Variants in POT1 observed in about 807,000 individuals in gnomAD.
POT1 encodes the protein protection of telomeres protein 1.
In POT1, 47 loss-of-function variants were observed where a neutral mutation model predicts 78.5. That is an observed-to-expected ratio of 0.60 (90% confidence interval 0.47 to 0.76). The LOEUF (loss-of-function observed/expected upper bound fraction) is 0.76, where lower values mean the gene tolerates loss of function less well. Ranked by LOEUF, POT1 falls within the 30% of genes least tolerant of loss-of-function variation. The probability of loss-of-function intolerance (pLI) is 0.00; values close to 1 mark genes in which losing one functional copy is unlikely to be tolerated. For missense variants in POT1, 646 were observed against 749.9 expected (o/e 0.86, Z 1.62); for synonymous variants, 259 against 260.7 (o/e 0.99, Z 0.06).
At chr7:124,855,697 T>A (rs1202459232) in intron 9 of POT1, among the ~76,000 whole-genome samples, 3 of 150,992 alleles carry the variant, frequency 2.0e-5, no homozygotes, top group Non-Finnish European at 4.4e-5. Context: ...AAAAGCAAAG[T>A]AAATATGGCT....
chr7:124,870,531 C>T lies in POT1; in HGVS notation c.255+380G>A, dbSNP rs369595268. On this transcript the variant is annotated intron_variant, in intron 7 of 18. Transcript: ENST00000357628. ...GAAATGGGAAAGAATAATATAATCT[C>T]CTAATCTTTGTATACATTTTTTCTT... Among the ~76,000 whole-genome samples, 5 of 151,980 alleles carry T rather than the reference C, an allele frequency of 3.3e-5. No homozygotes were observed. In the East Asian group the frequency reaches 9.6e-4, roughly 29 times the overall value.
intron 2 of POT1, among the ~76,000 whole-genome samples, chr7:124,925,102 A>G (rs536423067): frequency 7.2e-4 from 109 of 152,234 alleles, no homozygotes; most frequent in African/African-American, 2.5e-3. Flanking sequence ...TAGTACTGCA[A>G]GTCCTAGCCA....
At chr7:124,880,910 T>C (rs527993783) in intron 6 of POT1, among the ~76,000 whole-genome samples, 9 of 152,132 alleles carry the variant, frequency 5.9e-5, no homozygotes, top group Non-Finnish European at 8.8e-5. Flanking sequence ...GGCTCAGATA[T>C]ACTTACAGTA....
chr7:124,920,583 T>C (rs1272976352), intron 2 of POT1, among the ~76,000 whole-genome samples: 2 of 152,112 alleles, frequency 1.3e-5, no homozygotes, highest in Non-Finnish European at 2.9e-5. Flanking sequence ...AAAACATAGA[T>C]ATCTGCAGGT....
Position 124,897,206 on chromosome 7 carries a change from C to T in POT1, c.-33G>A. 7.1e-7 allele frequency: 1 copy of T among 1,410,940 alleles called. No homozygotes were observed. The highest frequency in any genetic ancestry group is 9.8e-7 in the Non-Finnish European group (1 of 1,019,238). 87.4% of individuals were successfully genotyped at this position (1,410,940 alleles called of 1,614,324 possible). ...GTAGAAAAATCTCTTAAAGATTTGA[C>T]ATAAACCTGAAGGAAAAAAAGAAAG... On this transcript the variant is annotated 5_prime_UTR_variant, in exon 5 of 19. It removes an upstream start codon present in the reference 5' UTR. Transcript: ENST00000357628.
At chr7:124,897,256 C>T in intron 4 of POT1, 44 bp from the exon 5 acceptor site, 1 of 828,212 alleles carries the variant, frequency 1.2e-6, no homozygotes, top group South Asian at 1.9e-5. Flanking sequence ...CAGATAACCT[C>T]CAATGTGATT....
intron 6 of POT1, among the ~76,000 whole-genome samples, chr7:124,885,859 T>C (rs1796233052): frequency 6.6e-6 from 1 of 152,080 alleles, no homozygotes; most frequent in South Asian, 2.1e-4. Flanking sequence ...TTCTAAAATA[T>C]GTGAGGAATT....
chr7:124,923,779 A>G (rs1236349543), intron 2 of POT1, among the ~76,000 whole-genome samples: 2 of 151,752 alleles, frequency 1.3e-5, no homozygotes, highest in African/African-American at 4.8e-5. Context: ...AAAATTACCA[A>G]GAGAAAAGCA....
At chr7:124,856,184 T>G (rs1795442292) in intron 9 of POT1, among the ~76,000 whole-genome samples, 1 of 152,186 alleles carries the variant, frequency 6.6e-6, no homozygotes, top group East Asian at 1.9e-4. Context: ...CCAGGTATTT[T>G]GACACAAAAA....
chr7:124,887,381 TA>T (rs2116616474), intron 6 of POT1, among the ~76,000 whole-genome samples: 1 of 152,264 alleles, frequency 6.6e-6, no homozygotes, highest in South Asian at 2.1e-4. Context: ...TCTCCGTATT[TA>T]ATAGTCTTCG....
intron 15 of POT1, among the ~76,000 whole-genome samples, chr7:124,829,931 C>G (rs1474161415): frequency 2.0e-5 from 3 of 152,126 alleles, no homozygotes; most frequent in African/African-American, 7.2e-5. Context: ...CTCCTGAGCT[C>G]AAGCCATCTG....
intron 11 of POT1, among the ~76,000 whole-genome samples, chr7:124,849,738 T>C (rs1389995266): frequency 6.6e-6 from 1 of 151,902 alleles, no homozygotes; most frequent in African/African-American, 2.4e-5. Context: ...AAATGAAAAA[T>C]GAAAAAAGCA....
chr7:124,913,974 A>C (rs986370963), intron 3 of POT1, among the ~76,000 whole-genome samples: 3 of 151,958 alleles, frequency 2.0e-5, no homozygotes, highest in African/African-American at 7.3e-5. Flanking sequence ...TCTCTACTAA[A>C]AATACAAAAA....
At chr7:124,880,195 A>T (rs971165951) in intron 6 of POT1, among the ~76,000 whole-genome samples, 1 of 152,146 alleles carries the variant, frequency 6.6e-6, no homozygotes, top group Non-Finnish European at 1.5e-5. Context: ...TGCATAAAAC[A>T]CAACTATTTT....
intron 3 of POT1, among the ~76,000 whole-genome samples, chr7:124,898,689 G>A (rs571865689): frequency 1.5e-4 from 23 of 152,130 alleles, no homozygotes; most frequent in African/African-American, 4.6e-4. Flanking sequence ...TAGTAATAAG[G>A]ATGGAATTTA....
At chr7:124,828,939 C>T (rs761389203) in intron 16 of POT1, 2 of 601,032 alleles carry the variant, frequency 3.3e-6, no homozygotes, top group Non-Finnish European at 6.4e-6. Context: ...GGCCAAACAA[C>T]ATCTGCAGCA....
chr7:124,901,338 G>A lies in POT1; in HGVS notation c.-153-2964C>T, dbSNP rs548266836. 8.9e-4 allele frequency among the ~76,000 whole-genome samples: 135 copies of A among 152,304 alleles called. 3 individuals carry two copies. The South Asian group carries it at 0.027, about 30-fold the overall frequency. ...ATCAGGCAGCAACATTTGCTGTTCT[G>A]CAATATTTGCTGTTCTGCAGCCTCT... On this transcript the variant is annotated intron_variant, in intron 3 of 18. Coordinates refer to ENST00000357628, the MANE Select transcript of POT1 (RefSeq NM_015450.3).
intron 4 of POT1, among the ~76,000 whole-genome samples, chr7:124,897,813 A>C (rs1203492304): frequency 2.0e-5 from 3 of 151,996 alleles, no homozygotes; most frequent in Non-Finnish European, 4.4e-5. Flanking sequence ...GCCTTGACTA[A>C]AAAGGCAGTT....
At chr7:124,864,036 T>C (rs1795662955) in intron 7 of POT1, among the ~76,000 whole-genome samples, 3 of 152,140 alleles carry the variant, frequency 2.0e-5, no homozygotes, top group African/African-American at 7.2e-5. Context: ...ACTTGAAATA[T>C]GAGAATATAA....
Sources: gnomAD v4.1 joint callset for allele counts (sites outside exome capture counted in the v4.1 genomes callset) on GRCh38, gnomAD v4.1.1 for gene constraint, MANE v1.5 for transcripts, NCBI Gene and HGNC (gene_info 2026-07-23, HGNC 2026-07-21) for gene names.